RIPOR2: variants seen among roughly 807,000 people sequenced by gnomAD.
The protein encoded by RIPOR2 is rho family-interacting cell polarization regulator 2.
RIPOR2 carries 39 observed loss-of-function variants against 114.5 expected under a neutral mutation model. The ratio of observed to expected loss-of-function variants is 0.34; its 90% CI spans 0.26 to 0.44. The LOEUF is 0.44. Among genes scored for constraint, RIPOR2 ranks in the 20% least tolerant of loss-of-function variants. The pLI, the probability that RIPOR2 is intolerant of heterozygous loss-of-function variation, is 1.00. For missense variants in RIPOR2, 1,007 were observed against 1,255.1 expected (o/e 0.80, Z 2.99); for synonymous variants, 445 against 484.4 (o/e 0.92, Z 1.07).
intron 1 of RIPOR2, among the ~76,000 whole-genome samples, chr6:24,876,734 C>CG (rs1187475649): frequency 3.3e-5 from 5 of 152,146 alleles, no homozygotes; most frequent in East Asian, 3.9e-4. Flanking sequence ...CAAGGGCGGT[C>CG]GGGGGGAAGG....
At chr6:24,955,640 C>G (rs1003031454) in intron 1 of RIPOR2, among the ~76,000 whole-genome samples, 1 of 151,600 alleles carries the variant, frequency 6.6e-6, no homozygotes, top group Non-Finnish European at 1.5e-5. Flanking sequence ...TCTTTTCTTC[C>G]CCTCTGTTAT....
chr6:24,897,720 CAGAGA>C (rs572277132), intron 1 of RIPOR2, among the ~76,000 whole-genome samples: 28 of 152,156 alleles, frequency 1.8e-4, no homozygotes, highest in Non-Finnish European at 4.0e-4. Flanking sequence ...CCTTAAGTTA[CAGAGA>C]ATCTTAAAGA....
At chr6:24,931,372 C>G (rs796742996) in intron 1 of RIPOR2, among the ~76,000 whole-genome samples, 1 of 152,156 alleles carries the variant, frequency 6.6e-6, no homozygotes, top group Admixed American at 6.5e-5. Context: ...GGAAAAAGTG[C>G]TAACTTACTT....
chr6:24,966,173 G>A (rs1773518578), intron 1 of RIPOR2, among the ~76,000 whole-genome samples: 1 of 152,112 alleles, frequency 6.6e-6, no homozygotes, highest in Non-Finnish European at 1.5e-5. Flanking sequence ...CTTCCCATCT[G>A]AGCCTGTCCT....
chr6:24,849,170 G>T (rs1464139711), intron 11 of RIPOR2, among the ~76,000 whole-genome samples: 1 of 152,210 alleles, frequency 6.6e-6, no homozygotes, highest in Non-Finnish European at 1.5e-5. Context: ...CTCCCAAAGT[G>T]CTGGGATTAC....
At chr6:24,967,027 G>A (rs1279602676) in intron 1 of RIPOR2, among the ~76,000 whole-genome samples, 1 of 152,146 alleles carries the variant, frequency 6.6e-6, no homozygotes, top group Non-Finnish European at 1.5e-5. Context: ...CGGACAGAAT[G>A]TCTTCCCCCT....
intron 19 of RIPOR2, among the ~76,000 whole-genome samples, chr6:24,821,968 G>T (rs1258343316): frequency 6.6e-6 from 1 of 152,222 alleles, no homozygotes; most frequent in Non-Finnish European, 1.5e-5. Flanking sequence ...CCTATGGTTT[G>T]ATAGTTAGCC....
chr6:24,953,609 G>A (rs73382372), intron 1 of RIPOR2, among the ~76,000 whole-genome samples: 4,311 of 152,258 alleles, frequency 0.028, 107 homozygotes, highest in African/African-American at 0.067. Context: ...CAAGAAGGTC[G>A]CTCTCACCTT....
chr6:24,935,772 G>T (rs1424653669), intron 1 of RIPOR2, 66 bp downstream of exon 1: 1 of 1,147,264 alleles, frequency 8.7e-7, no homozygotes, highest in Admixed American at 2.0e-5. Flanking sequence ...CTGGGCAAAA[G>T]TGTCCAGTGG....
chr6:24,915,617 C>A (rs780840142), intron 1 of RIPOR2, among the ~76,000 whole-genome samples: 2 of 152,182 alleles, frequency 1.3e-5, no homozygotes, highest in Non-Finnish European at 2.9e-5. Flanking sequence ...CCTGCCTCGG[C>A]CTCCCGAAGT....
At chr6:25,018,256 G>C (rs1001797358) in intron 1 of RIPOR2, among the ~76,000 whole-genome samples, 8 of 152,148 alleles carry the variant, frequency 5.3e-5, no homozygotes, top group African/African-American at 1.9e-4. Context: ...TCTTCCTAAT[G>C]CTTTACATGA....
chr6:24,911,549 G>T (rs1769603499), intron 1 of RIPOR2, among the ~76,000 whole-genome samples: 1 of 152,198 alleles, frequency 6.6e-6, no homozygotes. Context: ...GCTGAAGAGG[G>T]CTGCTTTGTA....
At chr6:24,841,235 T>C (rs891136303) in intron 13 of RIPOR2, among the ~76,000 whole-genome samples, 8 of 152,350 alleles carry the variant, frequency 5.3e-5, no homozygotes, top group Middle Eastern at 3.4e-3. Flanking sequence ...CATCAATTTG[T>C]GTCTTAGCTC....
chr6:24,865,342 T>C lies in RIPOR2; in HGVS notation c.610A>G (p.Ser204Gly). The C allele has an allele frequency of 1.2e-6, 2 of 1,613,418 alleles. No individual in the cohort carries two copies. The highest frequency in any genetic ancestry group is 1.7e-6 in the Non-Finnish European group (2 of 1,179,640). ...AAGCTCCGATTGATCTCTGTCAGAC[T>C]CTCCCGGGCAGCTTTGCTGGCAGGG... ...TSPASKAARE[S>G]LTEINRSFKE... Residue 204 changes from serine (S) to glycine (G), a missense_variant, in exon 7 of 22, where the codon AGT becomes GGT. By Grantham distance (56) the Ser-to-Gly change is moderately conservative. Transcript: ENST00000643898.
At chr6:24,983,591 T>C (rs918357729) in intron 1 of RIPOR2, among the ~76,000 whole-genome samples, 7 of 151,866 alleles carry the variant, frequency 4.6e-5, no homozygotes, top group Admixed American at 2.0e-4. Flanking sequence ...ACTCTGTCTC[T>C]ACTAAAAATA....
intron 1 of RIPOR2, among the ~76,000 whole-genome samples, chr6:25,026,053 T>TG (rs957040595): frequency 1.3e-5 from 2 of 152,142 alleles, no homozygotes; most frequent in South Asian, 2.1e-4. Flanking sequence ...TTGTTTTTTT[T>TG]TTTTGTTTCT....
At chr6:24,829,609 G>T (rs1373077438) in intron 17 of RIPOR2, among the ~76,000 whole-genome samples, 1 of 152,224 alleles carries the variant, frequency 6.6e-6, no homozygotes, top group East Asian at 1.9e-4. Context: ...CTGGATGACA[G>T]GGTGAGACCT....
At position 24,806,133 on chromosome 6, in the gene RIPOR2, G is replaced by C. The variant is rs13192928; in HGVS notation, c.*240C>G. ...CCTGACTAATTAAACTATTTTTTTTGTAGAGACAGGGCCTTGCTATGTTGC... is the reference window on the plus strand; with the variant it reads ...CCTGACTAATTAAACTATTTTTTTTCTAGAGACAGGGCCTTGCTATGTTGC... On this transcript the variant is annotated 3_prime_UTR_variant, in exon 22 of 22. Transcript: ENST00000643898. The C allele has an allele frequency of 4.9e-3, 2,368 of 485,300 alleles. 14 individuals carry two copies. Among genetic ancestry groups the C allele is most frequent in the Non-Finnish European group, 6.7e-3 (1,849 of 277,770 alleles). 30.1% of individuals were successfully genotyped at this position (485,300 alleles called of 1,614,324 possible).
intron 1 of RIPOR2, among the ~76,000 whole-genome samples, chr6:25,002,510 T>C (rs1236880892): frequency 6.6e-6 from 1 of 152,272 alleles, no homozygotes; most frequent in Non-Finnish European, 1.5e-5. Context: ...CAGTGAACGC[T>C]CAAGAAGTGG....
Sources: allele counts gnomAD v4.1 joint callset (sites outside exome capture counted in the v4.1 genomes callset), GRCh38; gene constraint gnomAD v4.1.1; transcripts MANE v1.5; gene names NCBI Gene and HGNC (gene_info 2026-07-23, HGNC 2026-07-21).